The following TXK variants were observed in gnomAD, a reference collection of about 807,000 sequenced individuals.
TXK encodes the protein TXK tyrosine kinase.
A neutral mutation model predicts 81.0 loss-of-function variants in TXK; 60 were observed. That is an observed-to-expected ratio of 0.74 (90% CI 0.60 to 0.92). The LOEUF (loss-of-function observed/expected upper bound fraction) is 0.92, where lower values mean the gene tolerates loss of function less well. Ranked by LOEUF, TXK falls within the 40% of genes least tolerant of loss-of-function variation. The pLI is 0.00. For missense variants in TXK, 581 were observed against 638.3 expected (o/e 0.91, Z 0.97); for synonymous variants, 203 against 210.7 (o/e 0.96, Z 0.32).
chr4:48,131,449 T>C (rs1719246169), intron 1 of TXK, among the ~76,000 whole-genome samples: 1 of 152,076 alleles, frequency 6.6e-6, no homozygotes, highest in African/African-American at 2.4e-5. Context: ...CTTTTTTTGT[T>C]TGTTTGTTTG....
At chr4:48,107,133 G>T (rs568895164) in intron 5 of TXK, among the ~76,000 whole-genome samples, 1 of 150,916 alleles carries the variant, frequency 6.6e-6, no homozygotes, top group Non-Finnish European at 1.5e-5. Flanking sequence ...TTATAAATAG[G>T]ACTGATTGTT....
chr4:48,089,634 C>A, intron 9 of TXK, 116 bp downstream of exon 9: 1 of 778,664 alleles, frequency 1.3e-6, no homozygotes, highest in South Asian at 1.6e-5. Flanking sequence ...TAAGGTGATC[C>A]ACCCACCTTT....
chr4:48,097,422 CT>C (rs4031383), intron 6 of TXK, among the ~76,000 whole-genome samples: 57 of 141,842 alleles, frequency 4.0e-4, no homozygotes, highest in African/African-American at 4.9e-4. Context: ...AAAGCTACCA[CT>C]TTTTTTTTTT....
chr4:48,096,729 G>A (rs1304918796), intron 6 of TXK, among the ~76,000 whole-genome samples: 2 of 151,858 alleles, frequency 1.3e-5, no homozygotes, highest in Non-Finnish European at 2.9e-5. Flanking sequence ...AGGTTTCACC[G>A]TGTTGGCCAT....
chr4:48,079,886 A>G (rs931137103), intron 11 of TXK, 26 bp downstream of exon 11: 1 of 1,565,738 alleles, frequency 6.4e-7, no homozygotes, highest in Non-Finnish European at 8.8e-7. Flanking sequence ...ATACAAAAAA[A>G]AAAAGTAAAT....
intron 6 of TXK, among the ~76,000 whole-genome samples, chr4:48,099,525 T>C (rs539935856): frequency 6.6e-6 from 1 of 152,304 alleles, no homozygotes; most frequent in East Asian, 1.9e-4. Flanking sequence ...AATCTGTACA[T>C]TTAATGCAAC....
At position 48,134,225 on chromosome 4, in the gene TXK, T is replaced by A. The variant is rs1719321737; in HGVS notation, c.-55A>T. 3 of 1,602,854 alleles carry A rather than the reference T, an allele frequency of 1.9e-6. No homozygotes were observed. Among genetic ancestry groups the A allele is most frequent in the Non-Finnish European group, 2.6e-6 (3 of 1,174,104 alleles). ...AGTCTTCAGTTCTTCTGCGGTGCTC[T>A]ACTCACAAAAACACATCTTTCAACT... On this transcript the variant is annotated 5_prime_UTR_variant, in exon 1 of 15. An upstream open reading frame in the 5' UTR loses its in-frame stop. Transcript: ENST00000264316.
chr4:48,099,325 A>ACTCTTTGTACTCTTG (rs1718099851), intron 6 of TXK, among the ~76,000 whole-genome samples: 2 of 152,228 alleles, frequency 1.3e-5, no homozygotes, highest in Admixed American at 1.3e-4. Flanking sequence ...GAAAACTCTA[A>ACTCTTTGTACTCTTG]AATGCTCCTG....
At chr4:48,126,387 G>A (rs765865302) in intron 1 of TXK, among the ~76,000 whole-genome samples, 4 of 152,220 alleles carry the variant, frequency 2.6e-5, no homozygotes, top group East Asian at 3.9e-4. Flanking sequence ...TACAAAATAC[G>A]TGTTGATCAA....
intron 13 of TXK, among the ~76,000 whole-genome samples, chr4:48,072,915 G>A (rs1046302410): frequency 1.3e-5 from 2 of 152,026 alleles, no homozygotes; most frequent in Non-Finnish European, 2.9e-5. Flanking sequence ...TTTATTGTAT[G>A]TTTTTAAATT....
chr4:48,079,896 T>C lies in TXK; in HGVS notation c.1173+16A>G, dbSNP rs767839863. ...GTATGATACAAAAAAAAAAAGTAAA[T>C]TTGCACCATACTTACCAAATCCCTA... On this transcript the variant is annotated intron_variant, in intron 11 of 14. Coordinates refer to ENST00000264316, the MANE Select transcript of TXK (RefSeq NM_003328.3). 2 of 1,593,996 alleles carry C rather than the reference T, an allele frequency of 1.3e-6. No homozygotes were observed. The highest frequency in any genetic ancestry group is 1.7e-6 in the Non-Finnish European group (2 of 1,163,734).
rs1308926511 is a variant in TXK at position 48,113,201 on chromosome 4, A to T, written c.174+6T>A. ...TTCCCCTCTTGCCTGTCAAAATGAT[A>T]CTTACTTGCTTCTTATTTGACAATT... On this transcript the variant is annotated splice_donor_region_variant and intron_variant, in intron 3 of 14. Coordinates refer to ENST00000264316, the MANE Select transcript of TXK (RefSeq NM_003328.3). 1 of 1,608,242 alleles carries T rather than the reference A, an allele frequency of 6.2e-7. No individual in the cohort carries two copies. The highest frequency in any genetic ancestry group is 8.5e-7 in the Non-Finnish European group (1 of 1,175,188).
At chr4:48,125,584 A>G (rs142270082) in intron 1 of TXK, among the ~76,000 whole-genome samples, 2,047 of 152,300 alleles carry the variant, frequency 0.013, 19 homozygotes, top group Middle Eastern at 0.051. Flanking sequence ...AGGCTCTCAC[A>G]CTTTTTCTCA....
intron 6 of TXK, among the ~76,000 whole-genome samples, chr4:48,097,462 A>C (rs1020506292): frequency 1.0e-4 from 14 of 139,492 alleles, no homozygotes; most frequent in African/African-American, 3.8e-4. Flanking sequence ...CTCTGTCGCC[A>C]GGCTGGAGTG....
At chr4:48,097,035 C>G (rs1357597096) in intron 6 of TXK, among the ~76,000 whole-genome samples, 2 of 151,542 alleles carry the variant, frequency 1.3e-5, no homozygotes, top group Non-Finnish European at 2.9e-5. Context: ...GGATTAAAAA[C>G]TATAAAATAA....
intron 1 of TXK, among the ~76,000 whole-genome samples, chr4:48,122,581 TG>T (rs1717210815): frequency 1.3e-5 from 2 of 152,260 alleles, no homozygotes; most frequent in Non-Finnish European, 2.9e-5. Flanking sequence ...TTTTTTTCTT[TG>T]CTGTTTGTCT....
chr4:48,083,037 G>T (rs1447880368), intron 10 of TXK, among the ~76,000 whole-genome samples: 1 of 152,356 alleles, frequency 6.6e-6, no homozygotes, highest in South Asian at 2.1e-4. Flanking sequence ...GATACAGAAA[G>T]CTGTCATACT....
intron 1 of TXK, among the ~76,000 whole-genome samples, chr4:48,120,157 A>ATATG (rs145227560): frequency 8.4e-6 from 1 of 118,816 alleles, no homozygotes; most frequent in South Asian, 2.4e-4. Context: ...GTATATATGC[A>ATATG]TATATATGTA....
intron 10 of TXK, among the ~76,000 whole-genome samples, chr4:48,086,098 TC>T (rs1371132187): frequency 4.6e-5 from 7 of 152,190 alleles, no homozygotes; most frequent in Non-Finnish European, 8.8e-5. Context: ...ACCTGCATGC[TC>T]CTCCTCCCGT....
Sources: allele counts gnomAD v4.1 joint callset (sites outside exome capture counted in the v4.1 genomes callset), GRCh38; gene constraint gnomAD v4.1.1; transcripts MANE v1.5; gene names NCBI Gene and HGNC (gene_info 2026-07-23, HGNC 2026-07-21).